Variants in KAZN observed in about 807,000 individuals in gnomAD.
KAZN encodes the protein kazrin, periplakin interacting protein.
KAZN carries 40 observed loss-of-function variants against 87.4 expected under a neutral mutation model. That is an observed-to-expected ratio of 0.46 (90% CI 0.36 to 0.60). The LOEUF (loss-of-function observed/expected upper bound fraction) is 0.60, where lower values mean the gene tolerates loss of function less well. Among genes scored for constraint, KAZN ranks in the 20% least tolerant of loss-of-function variants. The probability of loss-of-function intolerance (pLI) is 0.00; values close to 1 mark genes in which losing one functional copy is unlikely to be tolerated. For synonymous variants in KAZN, 466 were observed against 458.3 expected (o/e 1.02, Z -0.22); for missense variants, 898 against 1,073.9 (o/e 0.84, Z 2.29).
rs184283041 is a variant in KAZN at position 15,013,528 on chromosome 1, C to T, written c.419-21221C>T. Among the ~76,000 whole-genome samples, 52 of 152,090 alleles carry T rather than the reference C, an allele frequency of 3.4e-4. 1 individual carries two copies. The highest frequency in any genetic ancestry group is 1.1e-3 in the African/African-American group (47 of 41,504). ...AAGCGCTTTGGGAGGCCAAAGTGGG[C>T]GGATCACTTGAGGTTAGGAGTTCAT... On this transcript the variant is annotated intron_variant, in intron 2 of 14. Transcript: ENST00000376030.
intron 1 of KAZN, among the ~76,000 whole-genome samples, chr1:14,694,215 C>T (rs1459747233): frequency 6.6e-6 from 1 of 152,234 alleles, no homozygotes; most frequent in Non-Finnish European, 1.5e-5. Context: ...CCCTCCACCT[C>T]ATCAGCTCTG....
Position 14,828,831 on chromosome 1 carries a change from G to A in KAZN, c.227-131853G>A, listed in dbSNP as rs191732586. 7.5e-4 allele frequency among the ~76,000 whole-genome samples: 114 copies of A among 152,258 alleles called. 1 individual carries two copies. Among genetic ancestry groups the A allele is most frequent in the Non-Finnish European group, 1.6e-4 (11 of 68,026 alleles). ...AGAGGTTGGTGGTTTGTTACTTCAT[G>A]GTCACAAGATGGCTGCAGATGCTCC... is the stretch of plus-strand genomic sequence containing the variant. On this transcript the variant is annotated intron_variant, in intron 1 of 14. Transcript: ENST00000376030.
chr1:14,533,956 C>T (rs1164151889), intron 2 of KAZN, among the ~76,000 whole-genome samples: 2 of 152,164 alleles, frequency 1.3e-5, no homozygotes, highest in Non-Finnish European at 2.9e-5. Context: ...GACTGCATCC[C>T]CAGCTAATAA....
Position 15,044,135 on chromosome 1 carries a change from G to A in KAZN, c.702G>A (p.Lys234=). ...SQLDLKDNRM[K]ELEAELAMAK... is the part of the protein sequence containing the mutation. ...TGGACCTCAAGGACAACCGGATGAA[G>A]GAGCTGGAGGCCGAGCTGGCCATGG... The change falls in exon 4 of 15, where the codon AAG becomes AAA. Residue 234 remains lysine, a synonymous_variant. Coordinates refer to ENST00000376030, the MANE Select transcript of KAZN (RefSeq NM_201628.3). The A allele has an allele frequency of 6.2e-7, 1 of 1,608,948 alleles. No individual in the cohort carries two copies. Among genetic ancestry groups the A allele is most frequent in the Non-Finnish European group, 8.5e-7 (1 of 1,177,580 alleles).
chr1:14,621,819 C>A (rs949081407), intron 1 of KAZN, among the ~76,000 whole-genome samples: 1 of 152,216 alleles, frequency 6.6e-6, no homozygotes, highest in African/African-American at 2.4e-5. Context: ...TGAGGCCCCC[C>A]CTCAACCATG....
At chr1:14,216,939 C>T (rs1360136520) in intron 2 of KAZN, among the ~76,000 whole-genome samples, 1 of 152,090 alleles carries the variant, frequency 6.6e-6, no homozygotes, top group African/African-American at 2.4e-5. Context: ...GCAAATTTTA[C>T]ATAGAAATGG....
chr1:14,358,269 C>T (rs1466735944), intron 2 of KAZN, among the ~76,000 whole-genome samples: 1 of 151,514 alleles, frequency 6.6e-6, no homozygotes, highest in Non-Finnish European at 1.5e-5. Flanking sequence ...GGTGATACCC[C>T]CTGTTTCATT....
intron 2 of KAZN, among the ~76,000 whole-genome samples, chr1:14,389,354 A>G (rs927395929): frequency 6.6e-6 from 1 of 152,224 alleles, no homozygotes; most frequent in African/African-American, 2.4e-5. Context: ...ACTCCTAGGT[A>G]TATACTGAAA....
chr1:14,242,333 C>T (rs1301222596), intron 2 of KAZN, among the ~76,000 whole-genome samples: 1 of 152,108 alleles, frequency 6.6e-6, no homozygotes, highest in Non-Finnish European at 1.5e-5. Flanking sequence ...AGGGTGACCC[C>T]AGAGAGGTTG....
At chr1:13,938,328 A>G (rs1403100962) in intron 1 of KAZN, among the ~76,000 whole-genome samples, 1 of 152,118 alleles carries the variant, frequency 6.6e-6, no homozygotes, top group African/African-American at 2.4e-5. Flanking sequence ...CTGCTTGATC[A>G]TTCCTGGTGT....
intron 1 of KAZN, among the ~76,000 whole-genome samples, chr1:14,083,368 C>G (rs1020253060): frequency 1.3e-5 from 2 of 152,180 alleles, no homozygotes; most frequent in African/African-American, 4.8e-5. Flanking sequence ...AATCAGCTAC[C>G]TAGAATTGAA....
At chr1:14,172,524 A>C (rs1160481890) in intron 1 of KAZN, among the ~76,000 whole-genome samples, 2 of 152,252 alleles carry the variant, frequency 1.3e-5, no homozygotes, top group Admixed American at 6.5e-5. Context: ...CTTACAACTT[A>C]AAATGTGTTC....
In KAZN at chr1:14,659,354, G is replaced by A. The variant is rs569766809; in HGVS notation, c.226+60131G>A. ...AGATAGTTCTATAGGTCACTCAGGCGAGGAGATGGCCTTTTAACCTTAATG... is the reference window on the plus strand; with the variant it reads ...AGATAGTTCTATAGGTCACTCAGGCAAGGAGATGGCCTTTTAACCTTAATG... On this transcript the variant is annotated intron_variant, in intron 1 of 14. Transcript: ENST00000376030. Among the ~76,000 whole-genome samples the A allele has an allele frequency of 7.2e-5, 11 of 152,248 alleles. No homozygotes were observed. In the South Asian group the frequency reaches 1.7e-3, roughly 23 times the overall value.
chr1:15,106,904 C>T (rs1360274652), intron 13 of KAZN, among the ~76,000 whole-genome samples: 1 of 152,122 alleles, frequency 6.6e-6, no homozygotes, highest in Non-Finnish European at 1.5e-5. Flanking sequence ...AACCAGTGGG[C>T]AGGAAGGATG....
chr1:14,935,918 C>T lies in KAZN; in HGVS notation c.227-24766C>T, dbSNP rs541378985. 2.0e-5 allele frequency among the ~76,000 whole-genome samples: 3 copies of T among 152,360 alleles called. No individual in the cohort carries two copies. In the South Asian group the frequency reaches 6.2e-4, roughly 32 times the overall value. On this transcript the variant is annotated intron_variant, in intron 1 of 14. Coordinates refer to ENST00000376030, the MANE Select transcript of KAZN (RefSeq NM_201628.3). Reference sequence around the variant, plus strand: ...CCCGCCCCATCTTCTCTCCCAACATCCCAGGTGGTGGCCGCCTGCTCCCCA... The same window carrying T: ...CCCGCCCCATCTTCTCTCCCAACATTCCAGGTGGTGGCCGCCTGCTCCCCA...
At chr1:14,523,611 C>T (rs1268711585) in intron 2 of KAZN, among the ~76,000 whole-genome samples, 2 of 152,244 alleles carry the variant, frequency 1.3e-5, no homozygotes, top group Non-Finnish European at 2.9e-5. Context: ...CCAGCACTTC[C>T]TTCACTTTCT....
intron 1 of KAZN, among the ~76,000 whole-genome samples, chr1:14,898,546 G>A (rs940329759): frequency 1.3e-5 from 2 of 152,146 alleles, no homozygotes; most frequent in African/African-American, 4.8e-5. Flanking sequence ...GAAAGCAAAG[G>A]GGGCCTTGGA....
At chr1:14,490,488 GGTTT>G (rs947022908) in intron 2 of KAZN, among the ~76,000 whole-genome samples, 25 of 151,854 alleles carry the variant, frequency 1.6e-4, no homozygotes, top group African/African-American at 3.4e-4. Flanking sequence ...TTGTTTTTTT[GGTTT>G]GTTTGTTTGT....
At chr1:14,665,943 A>AAAAAAT (rs1639516016) in intron 1 of KAZN, among the ~76,000 whole-genome samples, 2 of 151,752 alleles carry the variant, frequency 1.3e-5, no homozygotes, top group African/African-American at 4.9e-5. Flanking sequence ...AAAAAAAAAA[A>AAAAAAT]AAAAAAAAAA....
Sources: gnomAD v4.1 joint callset for allele counts (sites outside exome capture counted in the v4.1 genomes callset) on GRCh38, gnomAD v4.1.1 for gene constraint, MANE v1.5 for transcripts, NCBI Gene and HGNC (gene_info 2026-07-23, HGNC 2026-07-21) for gene names.